NTRK3: variants seen among roughly 807,000 people sequenced by gnomAD.
NTRK3 encodes the protein neurotrophic receptor tyrosine kinase 3, also known as NT-3 growth factor receptor.
In NTRK3, 24 loss-of-function variants were observed where a neutral mutation model predicts 91.7. The ratio of observed to expected loss-of-function variants is 0.26; its 90% confidence interval spans 0.19 to 0.37. NTRK3 has a LOEUF of 0.37. NTRK3 is among the 10% of genes least tolerant of loss of function. NTRK3 has a pLI of 1.00. For synonymous variants in NTRK3, 483 were observed against 404.0 expected, an observed-to-expected ratio of 1.20 and a Z score of -2.34; for missense variants, 880 against 1,068.9, an observed-to-expected ratio of 0.82 and a Z score of 2.46.
At chr15:88,194,406 T>A (rs930052189) in intron 3 of NTRK3, among the ~76,000 whole-genome samples, 8 of 152,254 alleles carry the variant, frequency 5.3e-5, no homozygotes, top group Admixed American at 3.9e-4. Context: ...AGCTGACATC[T>A]TAGCAGATCC....
intron 3 of NTRK3, among the ~76,000 whole-genome samples, chr15:88,225,586 G>A (rs560285568): frequency 6.6e-6 from 1 of 152,272 alleles, no homozygotes; most frequent in East Asian, 1.9e-4. Context: ...GCTGCAGGGC[G>A]TGGGAAGCTT....
intron 5 of NTRK3, among the ~76,000 whole-genome samples, chr15:88,164,245 G>A (rs533484968): frequency 3.1e-4 from 47 of 152,310 alleles, no homozygotes; most frequent in Non-Finnish European, 6.3e-4. Context: ...CAGCCGGGCT[G>A]GCCACAGCCT....
intron 13 of NTRK3, among the ~76,000 whole-genome samples, chr15:88,034,672 G>A (rs541520196): frequency 1.7e-4 from 26 of 152,286 alleles, no homozygotes; most frequent in Admixed American, 5.2e-4. Flanking sequence ...ATCAAATAGC[G>A]AGGTGAAGCA....
chr15:88,225,893 C>T (rs1452136494), intron 3 of NTRK3, among the ~76,000 whole-genome samples: 1 of 152,172 alleles, frequency 6.6e-6, no homozygotes, highest in Non-Finnish European at 1.5e-5. Context: ...TCAGCAGTCA[C>T]CCGCTACCTA....
intron 17 of NTRK3, among the ~76,000 whole-genome samples, chr15:87,903,906 T>C (rs1482740857): frequency 2.0e-5 from 3 of 152,188 alleles, no homozygotes; most frequent in Non-Finnish European, 4.4e-5. Flanking sequence ...CTTATAGACA[T>C]CTTCACTGCA....
At chr15:87,899,041 A>G (rs1055593968) in intron 17 of NTRK3, among the ~76,000 whole-genome samples, 1 of 152,184 alleles carries the variant, frequency 6.6e-6, no homozygotes, top group Non-Finnish European at 1.5e-5. Context: ...ACTTACTAAC[A>G]TATCTTGGGG....
chr15:88,110,992 GAC>G (rs2051281612), intron 13 of NTRK3, among the ~76,000 whole-genome samples: 1 of 152,300 alleles, frequency 6.6e-6, no homozygotes, highest in African/African-American at 2.4e-5. Flanking sequence ...AGGTCACAAA[GAC>G]AAGACTGGGC....
intron 14 of NTRK3, among the ~76,000 whole-genome samples, chr15:88,011,053 C>T (rs970262329): frequency 6.6e-6 from 1 of 152,182 alleles, no homozygotes; most frequent in Non-Finnish European, 1.5e-5. Context: ...CTTCCTGGTC[C>T]ATGGGTTGTT....
At chr15:88,036,345 A>T (rs904365111) in intron 13 of NTRK3, among the ~76,000 whole-genome samples, 1 of 152,106 alleles carries the variant, frequency 6.6e-6, no homozygotes, top group African/African-American at 2.4e-5. Context: ...TCTCTATAAC[A>T]ATACCACTAT....
At chr15:87,991,923 T>C (rs562438601) in intron 14 of NTRK3, among the ~76,000 whole-genome samples, 1 of 152,052 alleles carries the variant, frequency 6.6e-6, no homozygotes, top group South Asian at 2.1e-4. Context: ...GTTGTGATTT[T>C]TTTTTTTAAT....
chr15:88,212,296 G>A (rs904589117), intron 3 of NTRK3, among the ~76,000 whole-genome samples: 1 of 152,156 alleles, frequency 6.6e-6, no homozygotes, highest in South Asian at 2.1e-4. Flanking sequence ...AGTGAACCTG[G>A]GAGGCGGAGC....
In NTRK3 at chr15:88,030,202, A is replaced by C. The variant is rs187198217; in HGVS notation, c.1585+2655T>G. ...TCATCAGTAAACCTGCTGCCTTCCC[A>C]TTTTCACCAACCTTTTCTTGTTTAC... On this transcript the variant is annotated intron_variant, in intron 14 of 18. Coordinates refer to ENST00000394480, the Ensembl canonical transcript of NTRK3. Among the ~76,000 whole-genome samples the C allele has an allele frequency of 1.4e-4, 22 of 152,140 alleles. No homozygotes were observed. In the East Asian group the frequency reaches 3.1e-3, roughly 21 times the overall value.
In NTRK3 at chr15:88,255,236, G is replaced by T. The variant is rs1360274684; in HGVS notation, c.248+670C>A. ...TGTAGGCGCCCAGATGCAGATGAGG[G>T]TGGCAAAGGGGTGTCTCGGAAATGC... On this transcript the variant is annotated intron_variant, in intron 3 of 18. Coordinates refer to ENST00000394480, the Ensembl canonical transcript of NTRK3. This position sits in a 1 kb window ranked among gnomAD's most constrained non-coding sequence, Gnocchi z 4.3. 6.6e-6 allele frequency among the ~76,000 whole-genome samples: 1 copy of T among 152,152 alleles called. No homozygotes were observed. The highest frequency in any genetic ancestry group is 1.5e-5 in the Non-Finnish European group (1 of 68,044).
chr15:88,165,942 A>C (rs1567564560), intron 5 of NTRK3, among the ~76,000 whole-genome samples: 1 of 152,254 alleles, frequency 6.6e-6, no homozygotes, highest in Non-Finnish European at 1.5e-5. Flanking sequence ...TATACTATGC[A>C]GGTGAAAACC....
intron 10 of NTRK3, among the ~76,000 whole-genome samples, chr15:88,129,670 A>G (rs777887648): frequency 5.3e-5 from 8 of 152,186 alleles, no homozygotes; most frequent in Non-Finnish European, 1.0e-4. Context: ...TTGTAATACT[A>G]AAAAGTAAGA....
chr15:88,236,666 T>TTA (rs1555568955), intron 3 of NTRK3, among the ~76,000 whole-genome samples: 4 of 142,940 alleles, frequency 2.8e-5, no homozygotes, highest in Non-Finnish European at 6.1e-5. Context: ...AGGAAGGGAT[T>TTA]AAAAAAAAAA....
At chr15:88,161,334 C>T (rs186621387) in intron 5 of NTRK3, among the ~76,000 whole-genome samples, 325 of 152,232 alleles carry the variant, frequency 2.1e-3, no homozygotes, top group African/African-American at 7.3e-3. Flanking sequence ...GATTGAACCC[C>T]AGCAGTCTGG....
intron 14 of NTRK3, among the ~76,000 whole-genome samples, chr15:87,975,807 G>A (rs1371122704): frequency 1.3e-5 from 2 of 152,038 alleles, no homozygotes; most frequent in African/African-American, 4.8e-5. Context: ...ACTCTCCTTG[G>A]GTCTTCTCAC....
chr15:87,948,606 T>G (rs1286545234), intron 14 of NTRK3, among the ~76,000 whole-genome samples: 3 of 152,174 alleles, frequency 2.0e-5, no homozygotes, highest in Non-Finnish European at 2.9e-5. Context: ...GAGAATCGCT[T>G]GAACCTGGGA....
Sources: allele counts gnomAD v4.1 joint callset (sites outside exome capture counted in the v4.1 genomes callset), GRCh38; gene constraint gnomAD v4.1.1; non-coding constraint Gnocchi (gnomAD v3.1); transcripts MANE v1.5; gene names NCBI Gene and HGNC (gene_info 2026-07-23, HGNC 2026-07-21).